ACTL6A: variants seen among roughly 807,000 people sequenced by gnomAD.
ACTL6A encodes actin-like protein 6A.
Under a neutral mutation model 59.2 loss-of-function variants are expected in ACTL6A, and 5 were observed. The observed-to-expected ratio is 0.08, with a 90% confidence interval of 0.04 to 0.18. The LOEUF is 0.18. Ranked by LOEUF, ACTL6A falls within the 10% of genes least tolerant of loss-of-function variation. The pLI is 1.00. For missense variants in ACTL6A, 285 were observed against 526.9 expected, an observed-to-expected ratio of 0.54 and a Z score of 4.49; for synonymous variants, 154 against 171.8, an observed-to-expected ratio of 0.90 and a Z score of 0.81.
At chr3:179,565,827 G>A (rs1560008869) in intron 1 of ACTL6A, among the ~76,000 whole-genome samples, 1 of 152,010 alleles carries the variant, frequency 6.6e-6, no homozygotes, top group Non-Finnish European at 1.5e-5. Context: ...AATTTTTTTT[G>A]AAGGATTTAT....
At chr3:179,563,271 G>C (rs1445578606) in intron 1 of ACTL6A, 154 bp downstream of exon 1, 1 of 1,244,010 alleles carries the variant, frequency 8.0e-7, no homozygotes, top group Admixed American at 2.7e-5. Flanking sequence ...CGCTCTGCCC[G>C]CCCCCGGAGC....
At chr3:179,584,583 T>C (rs1269671100) in intron 12 of ACTL6A, among the ~76,000 whole-genome samples, 1 of 148,558 alleles carries the variant, frequency 6.7e-6, no homozygotes, top group African/African-American at 2.5e-5. Context: ...ATCACACCAC[T>C]GCATTCCAAC....
chr3:179,585,002 C>T (rs74686416), intron 12 of ACTL6A, among the ~76,000 whole-genome samples: 13,781 of 152,226 alleles, frequency 0.091, 666 homozygotes, highest in South Asian at 0.17. Flanking sequence ...TATAGGCACA[C>T]AGTTGACATC....
At chr3:179,569,069 A>G (rs928841866) in intron 1 of ACTL6A, among the ~76,000 whole-genome samples, 2 of 152,344 alleles carry the variant, frequency 1.3e-5, no homozygotes, top group African/African-American at 4.8e-5. Context: ...TAAATTGCCC[A>G]TAGTGGTTGT....
At position 179,588,019 on chromosome 3, in the gene ACTL6A, T is replaced by A; in HGVS notation, c.*9T>A. Reference sequence around the variant, plus strand: ...AAAGAAAATGCCCTTGAGAAAGAGTTCCCAAGCTTCTACCTTCCTTTTGTC... The same window carrying A: ...AAAGAAAATGCCCTTGAGAAAGAGTACCCAAGCTTCTACCTTCCTTTTGTC... On this transcript the variant is annotated 3_prime_UTR_variant, in exon 14 of 14. Transcript: ENST00000429709. 6.3e-7 allele frequency: 1 copy of A among 1,588,436 alleles called. No individual in the cohort carries two copies. Among genetic ancestry groups the A allele is most frequent in the Admixed American group, 1.9e-5 (1 of 53,716 alleles).
chr3:179,580,058 C>T (rs1718287550), intron 8 of ACTL6A, among the ~76,000 whole-genome samples: 1 of 152,192 alleles, frequency 6.6e-6, no homozygotes, highest in Non-Finnish European at 1.5e-5. Context: ...CAGGTATGAG[C>T]CACTGCATCC....
Position 179,586,592 on chromosome 3 carries a change from G to A in ACTL6A, c.1169G>A (p.Arg390Lys). Reference sequence around the variant, plus strand: ...GCAAATAATACAACAGTGGAACGGAGGTTTAGCTCATGGATTGGCGGCTCC... The same window carrying A: ...GCAAATAATACAACAGTGGAACGGAAGTTTAGCTCATGGATTGGCGGCTCC... ...LIANNTTVER[R>K]FSSWIGGSIL... Residue 390 changes from arginine to lysine, a missense_variant, in exon 13 of 14, where the codon AGG (arginine) becomes AAG (lysine). Transcript: ENST00000429709. The A allele has an allele frequency of 6.2e-7, 1 of 1,600,652 alleles. No homozygotes were observed. The highest frequency in any genetic ancestry group is 8.5e-7 in the Non-Finnish European group (1 of 1,176,206).
chr3:179,581,167 G>A lies in ACTL6A; in HGVS notation c.973G>A (p.Val325Ile). 1 of 1,614,078 alleles carries A rather than the reference G, an allele frequency of 6.2e-7. No individual in the cohort carries two copies. The stretch of plus-strand genomic sequence containing the variant: ...GTTATCAGGAAACACAATGTTAGGA[G>A]TCAGTCATGTTGTCACCACAAGTGT... ...KGLSGNTMLG[V>I]SHVVTTSVGM... Residue 325 changes from valine to isoleucine, a missense_variant, in exon 11 of 14, where the codon GTC becomes ATC. By Grantham distance (29) the Val-to-Ile change is conservative. Transcript: ENST00000429709.
intron 11 of ACTL6A, among the ~76,000 whole-genome samples, chr3:179,582,699 T>G (rs1472654122): frequency 2.6e-5 from 4 of 152,196 alleles, no homozygotes; most frequent in Non-Finnish European, 5.9e-5. Context: ...TTGAATATCC[T>G]AACTTACAGA....
chr3:179,586,047 T>C (rs1718478565), intron 12 of ACTL6A, among the ~76,000 whole-genome samples: 1 of 152,166 alleles, frequency 6.6e-6, no homozygotes, highest in South Asian at 2.1e-4. Flanking sequence ...AGGTTGGTGT[T>C]GGATGAAATG....
At chr3:179,566,705 T>G (rs545447243) in intron 1 of ACTL6A, among the ~76,000 whole-genome samples, 7 of 152,254 alleles carry the variant, frequency 4.6e-5, no homozygotes, top group South Asian at 4.1e-4. Flanking sequence ...TGTTGTTGTT[T>G]TTGAGACTGA....
At position 179,573,388 on chromosome 3, in the gene ACTL6A, C is replaced by G; in HGVS notation, c.297C>G (p.Phe99Leu). Reference protein sequence around the residue: ...KNGMVEDWDSFQAILDHTYKM... With the variant: ...KNGMVEDWDSLQAILDHTYKM... Reference sequence around the variant, plus strand: ...TTCTAGTTGAAGACTGGGATAGTTTCCAAGCTATTTTGGATCATACCTACA... The same window carrying G: ...TTCTAGTTGAAGACTGGGATAGTTTGCAAGCTATTTTGGATCATACCTACA... Residue 99 changes from phenylalanine (F) to leucine (L), a missense_variant, in exon 4 of 14, where the codon TTC (phenylalanine) becomes TTG (leucine). Physicochemically the swap from Phe to Leu is conservative, Grantham distance 22. Transcript: ENST00000429709. 6.3e-7 allele frequency: 1 copy of G among 1,586,234 alleles called. No homozygotes were observed. The highest frequency in any genetic ancestry group is 1.2e-5 in the South Asian group (1 of 84,168).
At chr3:179,569,423 C>T (rs1717936928) in intron 1 of ACTL6A, among the ~76,000 whole-genome samples, 1 of 152,052 alleles carries the variant, frequency 6.6e-6, no homozygotes, top group Non-Finnish European at 1.5e-5. Flanking sequence ...CTGAAATTAC[C>T]CAGTTTTAGT....
intron 6 of ACTL6A, 152 bp downstream of exon 6, chr3:179,576,463 A>G (rs1479615476): frequency 1.8e-5 from 14 of 785,186 alleles, no homozygotes; most frequent in East Asian, 2.7e-5. Context: ...TATATAATGT[A>G]TATTTAAAAC....
At chr3:179,586,768 T>C (rs377584076) in intron 13 of ACTL6A, 136 bp downstream of exon 13, 36 of 713,022 alleles carry the variant, frequency 5.0e-5, no homozygotes, top group Admixed American at 4.6e-4. Flanking sequence ...CCTAATGGAA[T>C]AACCAGTTTT....
intron 8 of ACTL6A, among the ~76,000 whole-genome samples, chr3:179,577,831 T>C (rs1000708620): frequency 2.0e-5 from 3 of 151,968 alleles, no homozygotes; most frequent in Admixed American, 6.6e-5. Context: ...TTTTTTTTTT[T>C]CACTACATAA....
At chr3:179,587,728 G>A (rs1718549535) in intron 13 of ACTL6A, among the ~76,000 whole-genome samples, 3 of 151,924 alleles carry the variant, frequency 2.0e-5, no homozygotes, top group Non-Finnish European at 4.4e-5. Flanking sequence ...TTAAAATTAG[G>A]CAAGGTGGCA....
intron 11 of ACTL6A, 25 bp from the exon 12 acceptor site, chr3:179,583,328 G>A: frequency 1.3e-6 from 2 of 1,560,332 alleles, no homozygotes. Flanking sequence ...GGAACTAATT[G>A]ATTTTTCTTG....
intron 5 of ACTL6A, 42 bp downstream of exon 5, chr3:179,574,509 C>A: frequency 7.7e-7 from 1 of 1,296,144 alleles, no homozygotes. Flanking sequence ...GAAGTATGTA[C>A]GATACTAATG....
Sources: gnomAD v4.1 joint callset for allele counts (sites outside exome capture counted in the v4.1 genomes callset) on GRCh38, gnomAD v4.1.1 for gene constraint, MANE v1.5 for transcripts, NCBI Gene and HGNC (gene_info 2026-07-23, HGNC 2026-07-21) for gene names.